The following C8orf34 variants were observed in gnomAD, a reference collection of about 807,000 sequenced individuals.
C8orf34 encodes uncharacterized protein C8orf34.
Under a neutral mutation model 68.3 loss-of-function variants are expected in C8orf34, and 65 were observed. The ratio of observed to expected loss-of-function variants is 0.95; its 90% CI spans 0.78 to 1.17. The LOEUF is 1.17. Among genes scored for constraint, C8orf34 ranks in the 50% most tolerant of loss-of-function variants. The pLI, the probability that C8orf34 is intolerant of heterozygous loss-of-function variation, is 0.00. For missense variants in C8orf34, 664 were observed against 655.4 expected, an observed-to-expected ratio of 1.01 and a Z score of -0.14; for synonymous variants, 244 against 241.2, an observed-to-expected ratio of 1.01 and a Z score of -0.11.
chr8:68,461,720 C>A (rs932936128), intron 3 of C8orf34, among the ~76,000 whole-genome samples: 6 of 152,210 alleles, frequency 3.9e-5, no homozygotes, highest in African/African-American at 1.2e-4. Flanking sequence ...GAAATAAAAT[C>A]CTTTACAGAC....
intron 5 of C8orf34, among the ~76,000 whole-genome samples, chr8:68,497,827 T>C (rs1380953718): frequency 2.7e-5 from 4 of 150,658 alleles, no homozygotes; most frequent in Non-Finnish European, 5.9e-5. Context: ...TTTGCTTCTA[T>C]TTTTGGGGGG....
chr8:68,439,074 A>C (rs1454932058), intron 1 of C8orf34: 1 of 152,468 alleles, frequency 6.6e-6, no homozygotes, highest in Non-Finnish European at 1.5e-5. Context: ...TTTTTAAAAC[A>C]TTAAGAAGAA....
At chr8:68,489,978 G>A (rs1424432090) in intron 5 of C8orf34, among the ~76,000 whole-genome samples, 1 of 151,940 alleles carries the variant, frequency 6.6e-6, no homozygotes, top group Non-Finnish European at 1.5e-5. Context: ...CATCTGTACC[G>A]ACTCCAGGCA....
intron 1 of C8orf34, among the ~76,000 whole-genome samples, chr8:68,430,857 A>G (rs1207328961): frequency 1.3e-5 from 2 of 152,174 alleles, no homozygotes; most frequent in Admixed American, 1.3e-4. Flanking sequence ...CCAAACAGGC[A>G]ACCCCTCTTC....
rs148952136 is a variant in C8orf34, at chr8:68,356,132, G to A, written c.327+24793G>A. ...GTTCTTCTAAAGAGTTGTCAAATGC[G>A]TTTATGAATGAAAAATATCAGGGCA... is the stretch of plus-strand genomic sequence containing the variant. On this transcript the variant is annotated intron_variant, in intron 1 of 13. Coordinates refer to ENST00000518698, the MANE Select transcript of C8orf34 (RefSeq NM_052958.4). Among the ~76,000 whole-genome samples the A allele has an allele frequency of 5.9e-3, 895 of 152,210 alleles. 6 individuals carry two copies. Among genetic ancestry groups the A allele is most frequent in the African/African-American group, 0.017 (718 of 41,536 alleles).
chr8:68,493,402 GA>G (rs765329397), intron 5 of C8orf34, among the ~76,000 whole-genome samples: 1 of 151,956 alleles, frequency 6.6e-6, no homozygotes, highest in African/African-American at 2.4e-5. Context: ...TCACCAGAGG[GA>G]AAAAAACACG....
chr8:68,685,455 T>C (rs16934901), intron 8 of C8orf34, among the ~76,000 whole-genome samples: 10,159 of 152,224 alleles, frequency 0.067, 465 homozygotes, highest in African/African-American at 0.12. Context: ...TCAGTTAAAA[T>C]TGTCCGTGTA....
At chr8:68,651,134 C>A (rs1158030851) in intron 8 of C8orf34, among the ~76,000 whole-genome samples, 1 of 152,192 alleles carries the variant, frequency 6.6e-6, no homozygotes, top group African/African-American at 2.4e-5. Context: ...TTATCATTCT[C>A]CCTATGGATG....
chr8:68,742,069 T>C (rs1353766289), intron 10 of C8orf34, among the ~76,000 whole-genome samples: 1 of 152,170 alleles, frequency 6.6e-6, no homozygotes, highest in African/African-American at 2.4e-5. Flanking sequence ...AGTTTTATTC[T>C]TCTTCTGGAC....
chr8:68,662,804 T>C (rs928985600), intron 8 of C8orf34, among the ~76,000 whole-genome samples: 2 of 152,260 alleles, frequency 1.3e-5, no homozygotes, highest in Admixed American at 6.5e-5. Flanking sequence ...CAAGAGTCAA[T>C]AGCACAAGAG....
At chr8:68,330,374 C>A (rs1479505757), upstream of C8orf34, among the ~76,000 whole-genome samples, 3 of 152,106 alleles carry the variant, frequency 2.0e-5, no homozygotes, top group Admixed American at 6.6e-5. Flanking sequence ...TGAGCTCCTG[C>A]ACTTTGAGAG....
At chr8:68,713,317 G>A (rs552266604) in intron 9 of C8orf34, among the ~76,000 whole-genome samples, 2 of 151,756 alleles carry the variant, frequency 1.3e-5, no homozygotes, top group African/African-American at 2.4e-5. Flanking sequence ...AAGAGATAAC[G>A]AAGATCAGAG....
intron 8 of C8orf34, among the ~76,000 whole-genome samples, chr8:68,664,769 G>T (rs1819788498): frequency 6.6e-6 from 1 of 152,106 alleles, no homozygotes; most frequent in Non-Finnish European, 1.5e-5. Context: ...AGCAAGTCTG[G>T]CTGCATTCAT....
chr8:68,742,531 A>G (rs1340146355), intron 10 of C8orf34, among the ~76,000 whole-genome samples: 1 of 152,122 alleles, frequency 6.6e-6, no homozygotes, highest in Non-Finnish European at 1.5e-5. Flanking sequence ...TTGGCTCTTG[A>G]TAGAATCCTT....
chr8:68,661,229 G>A (rs888262285), intron 8 of C8orf34, among the ~76,000 whole-genome samples: 5 of 152,242 alleles, frequency 3.3e-5, no homozygotes, highest in Non-Finnish European at 4.4e-5. Context: ...GGCAGTCTCT[G>A]CAGCTGTACC....
At chr8:68,736,536 A>T (rs566026975) in intron 10 of C8orf34, among the ~76,000 whole-genome samples, 1 of 152,122 alleles carries the variant, frequency 6.6e-6, no homozygotes, top group Non-Finnish European at 1.5e-5. Flanking sequence ...AGAGAGTTCC[A>T]TGATGTAGAT....
intron 1 of C8orf34, among the ~76,000 whole-genome samples, chr8:68,436,305 G>A (rs1810664174): frequency 6.6e-6 from 1 of 152,128 alleles, no homozygotes; most frequent in Non-Finnish European, 1.5e-5. Context: ...ACTGCATGTT[G>A]TTTATATTAA....
At chr8:68,774,944 T>TAAAAAAAAAAAAAAAAAAAAAAACAAAAA (rs1224756627) in intron 10 of C8orf34, among the ~76,000 whole-genome samples, 1 of 44,688 alleles carries the variant, frequency 2.2e-5, no homozygotes, top group African/African-American at 1.3e-4. Context: ...CTGTCTCCAC[T>TAAAAAAAAAAAAAAAAAAAAAAACAAAAA]AAAAAAAAAA....
intron 8 of C8orf34, among the ~76,000 whole-genome samples, chr8:68,706,094 A>T (rs1300631543): frequency 6.6e-6 from 1 of 152,234 alleles, no homozygotes; most frequent in Non-Finnish European, 1.5e-5. Flanking sequence ...TGGAAAAAAG[A>T]AAGACAATCA....
Sources: gnomAD v4.1 joint callset for allele counts (sites outside exome capture counted in the v4.1 genomes callset) on GRCh38, gnomAD v4.1.1 for gene constraint, MANE v1.5 for transcripts, NCBI Gene and HGNC (gene_info 2026-07-23, HGNC 2026-07-21) for gene names.